PARP14: variants seen among roughly 807,000 people sequenced by gnomAD.
The protein encoded by PARP14 is protein mono-ADP-ribosyltransferase PARP14.
In PARP14, 59 loss-of-function variants were observed where a neutral mutation model predicts 154.2. The observed-to-expected ratio is 0.38, with a 90% CI of 0.31 to 0.48. The LOEUF is 0.48. PARP14 is among the 20% of genes least tolerant of loss of function. The pLI is 0.98. For synonymous variants in PARP14, 720 were observed against 780.5 expected, an observed-to-expected ratio of 0.92 and a Z score of 1.29; for missense variants, 1,734 against 2,131.6, an observed-to-expected ratio of 0.81 and a Z score of 3.67.
intron 1 of PARP14, chr3:122,683,399 T>C (rs1341827657): frequency 2.0e-5 from 8 of 390,780 alleles, no homozygotes; most frequent in Non-Finnish European, 2.8e-5. Flanking sequence ...TATTTATTCA[T>C]GTATAGCAAA....
chr3:122,681,160 G>A lies in PARP14; in HGVS notation c.187+90G>A. On this transcript the variant is annotated intron_variant, in intron 1 of 16. Transcript: ENST00000474629. The surrounding 1 kb of genome is among the most constrained non-coding windows in gnomAD (Gnocchi z 5.5). ...CAGGGCACGCACGGGAGGGTGACCCGCCCGACTTCGGCGGCTGCTGTAGCG... is the reference window on the plus strand; with the variant it reads ...CAGGGCACGCACGGGAGGGTGACCCACCCGACTTCGGCGGCTGCTGTAGCG... 1 of 541,764 alleles carries A rather than the reference G, an allele frequency of 1.8e-6. No homozygotes were observed. The highest frequency in any genetic ancestry group is 2.1e-5 in the African/African-American group (1 of 48,230). 33.6% of individuals were successfully genotyped at this position (541,764 alleles called of 1,614,324 possible). A position where few individuals can be genotyped will look rare whatever the true frequency, so the allele number is the denominator to read the frequency against.
At position 122,718,348 on chromosome 3, in the gene PARP14, T is replaced by A. The variant is rs747353797; in HGVS notation, c.4208-11T>A. On this transcript the variant is annotated splice_polypyrimidine_tract_variant and intron_variant, in intron 13 of 16. Coordinates refer to ENST00000474629, the MANE Select transcript of PARP14 (RefSeq NM_017554.3). The stretch of plus-strand genomic sequence containing the variant: ...CACATGTGAAATACCTAATCTTCCT[T>A]TTCTTTTTAGCATTTTTGGGCTTTT... 18 of 1,610,864 alleles carry A rather than the reference T, an allele frequency of 1.1e-5. No individual in the cohort carries two copies. The South Asian group carries it at 2.0e-4, about 18-fold the overall frequency.
chr3:122,685,086 C>T, intron 1 of PARP14, 99 bp from the exon 2 acceptor site: 1 of 1,318,174 alleles, frequency 7.6e-7, no homozygotes, highest in African/African-American at 1.4e-5. Context: ...CCGACCAAGC[C>T]ATTGATTGAT....
Position 122,692,666 on chromosome 3 carries a change from C to T in PARP14, c.598+123C>T, listed in dbSNP as rs145905595. ...TCTAGTAGCTACTAAGAGAGGTTTCCAAGTTAATATAGTTTTTTTTATTTT... is the reference window on the plus strand; with the variant it reads ...TCTAGTAGCTACTAAGAGAGGTTTCTAAGTTAATATAGTTTTTTTTATTTT... On this transcript the variant is annotated intron_variant, in intron 4 of 16. Coordinates refer to ENST00000474629, the MANE Select transcript of PARP14 (RefSeq NM_017554.3). The T allele has an allele frequency of 2.3e-4, 169 of 731,574 alleles. 1 individual carries two copies. The African/African-American group carries it at 2.8e-3, about 12-fold the overall frequency. The allele number at this position is 731,574 out of a possible 1,614,324, so 45.3% of individuals were successfully genotyped here. A position where few individuals can be genotyped will look rare whatever the true frequency, so the allele number is the denominator to read the frequency against.
intron 1 of PARP14, among the ~76,000 whole-genome samples, chr3:122,682,099 A>AG (rs1480743810): frequency 6.6e-6 from 1 of 152,204 alleles, no homozygotes; most frequent in Non-Finnish European, 1.5e-5. Context: ...GGAAGGAAGG[A>AG]GGGGGACAGG....
intron 9 of PARP14, among the ~76,000 whole-genome samples, chr3:122,710,708 G>C (rs1219395119): frequency 1.3e-5 from 2 of 152,016 alleles, no homozygotes; most frequent in Admixed American, 1.3e-4. Context: ...GTTTCCATTT[G>C]TTTGTGTCAT....
rs1239802721 is a variant in PARP14 at position 122,701,958 on chromosome 3, A to G, written c.3081+323A>G. On this transcript the variant is annotated intron_variant, in intron 6 of 16. Coordinates refer to ENST00000474629, the MANE Select transcript of PARP14 (RefSeq NM_017554.3). This position sits in a 1 kb window ranked among gnomAD's most constrained non-coding sequence, Gnocchi z 4.0. ...CCTTACACCTGCCGTGTTTTGGTAA[A>G]TCTAAGACTAATTTCCTAATTTACT... Among the ~76,000 whole-genome samples the G allele has an allele frequency of 6.6e-6, 1 of 152,192 alleles. No individual in the cohort carries two copies. The highest frequency in any genetic ancestry group is 1.5e-5 in the Non-Finnish European group (1 of 68,044).
rs778785928 is a variant in PARP14 at position 122,700,958 on chromosome 3, G to A, written c.2404G>A (p.Val802Ile). Residue 802 changes from valine to isoleucine, a missense_variant, in exon 6 of 17, where the codon GTT becomes ATT. Around this residue, in one of 2 missense-constraint regions of PARP14, gnomAD observed 1,646 missense variants for 1,976.0 expected, o/e 0.83. Coordinates refer to ENST00000474629, the MANE Select transcript of PARP14 (RefSeq NM_017554.3). Reference protein sequence around the residue: ...CFSRTVLAPGVVLIVQQGDLA... With the variant: ...CFSRTVLAPGIVLIVQQGDLA... ...CTCTCGGACAGTCTTGGCCCCTGGC[G>A]TTGTGCTGATTGTGCAGCAGGGTGA... 20 of 1,613,914 alleles carry A rather than the reference G, an allele frequency of 1.2e-5. No individual in the cohort carries two copies. The highest frequency in any genetic ancestry group is 4.0e-5 in the African/African-American group (3 of 74,938).
In PARP14 at chr3:122,700,323, A is replaced by T; in HGVS notation, c.1769A>T (p.Lys590Met). 6.2e-7 allele frequency: 1 copy of T among 1,613,760 alleles called. No homozygotes were observed. Among genetic ancestry groups the T allele is most frequent in the Non-Finnish European group, 8.5e-7 (1 of 1,179,764 alleles). The change falls in exon 6 of 17, where the codon AAG (lysine) becomes ATG (methionine). Residue 590 changes from lysine (K) to methionine (M), a missense_variant. Around this residue, in one of 2 missense-constraint regions of PARP14, gnomAD observed 1,646 missense variants for 1,976.0 expected, o/e 0.83. Transcript: ENST00000474629. ...TCTGAAGCCCTGTTAGAAGCAGAAA[A>T]GCAAATGCTCAGTGCCTTAAATTAT... ...CSSEALLEAE[K>M]QMLSALNYKR...
intron 4 of PARP14, among the ~76,000 whole-genome samples, 175 bp from the exon 5 acceptor site, chr3:122,695,251 C>T (rs1294703729): frequency 6.6e-5 from 10 of 152,170 alleles, no homozygotes; most frequent in Non-Finnish European, 1.2e-4. Flanking sequence ...TGTCGCCCAG[C>T]GACTGGGAGT....
chr3:122,704,018 C>T (rs1213266486), intron 7 of PARP14, 40 bp downstream of exon 7: 1 of 1,391,280 alleles, frequency 7.2e-7, no homozygotes, highest in Admixed American at 1.7e-5. Context: ...GTTGGGTAGC[C>T]CTTTGGGTTC....
chr3:122,687,146 A>G (rs1463923592), intron 3 of PARP14, 33 bp downstream of exon 3: 2 of 1,536,420 alleles, frequency 1.3e-6, no homozygotes, highest in Non-Finnish European at 1.8e-6. Flanking sequence ...TCTGACATTC[A>G]CCAAGCTGTT....
intron 4 of PARP14, among the ~76,000 whole-genome samples, chr3:122,694,386 A>C (rs1938696506): frequency 6.6e-6 from 1 of 152,072 alleles, no homozygotes; most frequent in Non-Finnish European, 1.5e-5. Flanking sequence ...TAGTCTTCCC[A>C]CCTCATTTGA....
intron 6 of PARP14, among the ~76,000 whole-genome samples, chr3:122,702,724 A>G (rs1470156734): frequency 3.3e-5 from 5 of 151,468 alleles, no homozygotes; most frequent in African/African-American, 1.2e-4. Context: ...AAATGTTAAA[A>G]ATAATGTTGT....
At position 122,699,935 on chromosome 3, in the gene PARP14, A is replaced by G. The variant is rs781246489; in HGVS notation, c.1381A>G (p.Lys461Glu). Residue 461 changes from lysine (K) to glutamate (E), a missense_variant, in exon 6 of 17, where the codon AAA becomes GAA. By Grantham distance (56) the Lys-to-Glu change is moderately conservative. This residue lies in a region of PARP14 where 1,646 missense variants were observed against 1,976.0 expected (regional missense o/e 0.83). Coordinates refer to ENST00000474629, the MANE Select transcript of PARP14 (RefSeq NM_017554.3). ...AATAGAAAGCACTACTCAAAAAATT[A>G]AAAGGGAAGAGCAAAGTTTGAAGGA... ...ELIESTTQKI[K>E]REEQSLKEKM... 7 of 1,613,832 alleles carry G rather than the reference A, an allele frequency of 4.3e-6. No homozygotes were observed. In the East Asian group the frequency reaches 1.6e-4, roughly 36 times the overall value.
Position 122,693,462 on chromosome 3 carries a change from C to T in PARP14, c.598+919C>T, listed in dbSNP as rs550063685. Among the ~76,000 whole-genome samples, 71 of 152,336 alleles carry T rather than the reference C, an allele frequency of 4.7e-4. 1 individual carries two copies. Among genetic ancestry groups the T allele is most frequent in the Non-Finnish European group, 6.6e-4 (45 of 68,044 alleles). On this transcript the variant is annotated intron_variant, in intron 4 of 16. Coordinates refer to ENST00000474629, the MANE Select transcript of PARP14 (RefSeq NM_017554.3). ...CCAAGTTATTATCCTCCCTATGCCTCACTTTCCTCATCTATAAAATGGTAC... is the reference window on the plus strand; with the variant it reads ...CCAAGTTATTATCCTCCCTATGCCTTACTTTCCTCATCTATAAAATGGTAC...
chr3:122,703,277 T>A (rs185130055), intron 6 of PARP14, among the ~76,000 whole-genome samples: 5 of 152,278 alleles, frequency 3.3e-5, no homozygotes, highest in African/African-American at 1.2e-4. Flanking sequence ...GTCTTGGCAC[T>A]CGAGGTGGGC....
intron 5 of PARP14, among the ~76,000 whole-genome samples, chr3:122,697,150 C>T (rs974509284): frequency 2.6e-5 from 4 of 152,044 alleles, no homozygotes; most frequent in African/African-American, 7.2e-5. Context: ...GATGGAGTTT[C>T]GCCATGTTTC....
rs201050912 is a variant in PARP14, at chr3:122,718,186, G to T, written c.4116G>T (p.Leu1372=). 1 of 1,613,520 alleles carries T rather than the reference G, an allele frequency of 6.2e-7. No homozygotes were observed. The highest frequency in any genetic ancestry group is 1.7e-5 in the Admixed American group (1 of 59,938). Residue 1372 remains leucine, a synonymous_variant, in exon 13 of 17, where the codon CTG becomes CTT. Coordinates refer to ENST00000474629, the MANE Select transcript of PARP14 (RefSeq NM_017554.3). The part of the protein sequence containing the change: ...SVKKVKVVIF[L]PQVLDVFYAN... ...AAAAAGTTAAAGTTGTTATCTTTCT[G>T]CCTCAAGTACTGGATGTGTTTTATG...
Sources: gnomAD v4.1 joint callset for allele counts (sites outside exome capture counted in the v4.1 genomes callset) on GRCh38, gnomAD v4.1.1 for gene constraint, gnomAD v4.1.1 regional missense constraint, Gnocchi (gnomAD v3.1) non-coding constraint, MANE v1.5 for transcripts, NCBI Gene and HGNC (gene_info 2026-07-23, HGNC 2026-07-21) for gene names.